GRIA4: variants seen among roughly 807,000 people sequenced by gnomAD.
GRIA4 encodes the protein glutamate ionotropic receptor AMPA type subunit 4, also known as glutamate receptor 4.
Under a neutral mutation model 104.0 loss-of-function variants are expected in GRIA4, and 34 were observed. That is an observed-to-expected ratio of 0.33 (90% CI 0.25 to 0.44). The LOEUF (loss-of-function observed/expected upper bound fraction) is 0.44. Ranked by LOEUF, GRIA4 falls within the 20% of genes least tolerant of loss-of-function variation. The probability of loss-of-function intolerance (pLI) is 1.00; values close to 1 mark genes in which losing one functional copy is unlikely to be tolerated. For missense variants in GRIA4, 750 were observed against 1,096.5 expected (o/e 0.68, Z 4.46); for synonymous variants, 386 against 381.9 (o/e 1.01, Z -0.13).
In GRIA4 at chr11:105,949,444, T is replaced by C. The variant is rs79965405; in HGVS notation, c.2294+15475T>C. Among the ~76,000 whole-genome samples the C allele has an allele frequency of 7.1e-3, 1,075 of 152,232 alleles. 14 individuals are homozygous for C. Among genetic ancestry groups the C allele is most frequent in the African/African-American group, 0.025 (1,037 of 41,544 alleles). ...AACAACTATAATCATTGCCCTGCATTAGGACTGAAAAGAGTATAAAGTACC... is the reference window on the plus strand; with the variant it reads ...AACAACTATAATCATTGCCCTGCATCAGGACTGAAAAGAGTATAAAGTACC... On this transcript the variant is annotated intron_variant, in intron 14 of 16. Transcript: ENST00000282499.
At chr11:105,680,454 G>T (rs1952673937) in intron 3 of GRIA4, among the ~76,000 whole-genome samples, 1 of 152,028 alleles carries the variant, frequency 6.6e-6, no homozygotes, top group African/African-American at 2.4e-5. Flanking sequence ...TTCAAAAAAA[G>T]GTCATTTCTG....
chr11:105,758,430 T>C (rs935899476), intron 4 of GRIA4, among the ~76,000 whole-genome samples: 1 of 152,292 alleles, frequency 6.6e-6, no homozygotes, highest in Non-Finnish European at 1.5e-5. Flanking sequence ...GTAGGTTTTC[T>C]TACTGGTTCC....
chr11:105,612,642 TC>T, intron 3 of GRIA4: 1 of 507,992 alleles, frequency 2.0e-6, no homozygotes, highest in South Asian at 3.4e-5. Context: ...ATTTTTCTTT[TC>T]TTTCTTCTCC....
At chr11:105,770,895 T>G (rs1941178486) in intron 4 of GRIA4, among the ~76,000 whole-genome samples, 1 of 152,052 alleles carries the variant, frequency 6.6e-6, no homozygotes, top group Admixed American at 6.6e-5. Flanking sequence ...CCTCCTATGT[T>G]CTTCCTGCCA....
chr11:105,929,420 C>G (rs1365150012), intron 13 of GRIA4, among the ~76,000 whole-genome samples: 1 of 152,052 alleles, frequency 6.6e-6, no homozygotes, highest in Non-Finnish European at 1.5e-5. Flanking sequence ...GGTTTTGCCC[C>G]ATTATGAAAC....
chr11:105,925,969 C>T (rs1341284041), intron 12 of GRIA4, among the ~76,000 whole-genome samples: 1 of 151,994 alleles, frequency 6.6e-6, no homozygotes, highest in Non-Finnish European at 1.5e-5. Flanking sequence ...CTCACATTTG[C>T]TCTGCACTCA....
chr11:105,824,473 C>T (rs1943692557), intron 4 of GRIA4, among the ~76,000 whole-genome samples: 1 of 152,088 alleles, frequency 6.6e-6, no homozygotes, highest in Admixed American at 6.6e-5. Context: ...TGTTGCTTCC[C>T]CAATATTCAC....
At chr11:105,838,393 C>T (rs983052195) in intron 4 of GRIA4, among the ~76,000 whole-genome samples, 1 of 152,112 alleles carries the variant, frequency 6.6e-6, no homozygotes, top group Non-Finnish European at 1.5e-5. Context: ...TCTCATGGCT[C>T]CCAGGTAAAT....
intron 6 of GRIA4, among the ~76,000 whole-genome samples, chr11:105,894,360 C>A (rs1946567165): frequency 1.3e-5 from 2 of 151,832 alleles, no homozygotes; most frequent in African/African-American, 2.4e-5. Flanking sequence ...TTTTCTTCAC[C>A]CCCCCGAGCC....
intron 3 of GRIA4, among the ~76,000 whole-genome samples, chr11:105,640,676 T>G (rs182393708): frequency 6.6e-6 from 1 of 152,092 alleles, no homozygotes; most frequent in East Asian, 1.9e-4. Flanking sequence ...CTTATTTCTA[T>G]TTAATATATT....
chr11:105,878,486 A>T (rs1434230500), intron 5 of GRIA4, among the ~76,000 whole-genome samples: 2 of 152,210 alleles, frequency 1.3e-5, no homozygotes, highest in East Asian at 3.9e-4. Context: ...GCAGGCAGGA[A>T]TGTTTAATTC....
chr11:105,888,605 A>G (rs1946360877), intron 6 of GRIA4, among the ~76,000 whole-genome samples: 2 of 151,364 alleles, frequency 1.3e-5, no homozygotes, highest in African/African-American at 2.4e-5. Context: ...TATTTTTATG[A>G]CACTTTTTTT....
At chr11:105,814,241 A>G (rs1029084481) in intron 4 of GRIA4, among the ~76,000 whole-genome samples, 1 of 152,216 alleles carries the variant, frequency 6.6e-6, no homozygotes, top group Admixed American at 6.5e-5. Flanking sequence ...ATACTTTTGA[A>G]AAATCACTGT....
Position 105,971,944 on chromosome 11 carries a change from CAGTG to C in GRIA4, c.2328_2331del (p.Ser776ArgfsTer5). On this transcript the variant is annotated frameshift_variant, in exon 15 of 17. Coordinates refer to ENST00000282499, the MANE Select transcript of GRIA4 (RefSeq NM_000829.4). LOFTEE classifies it high-confidence loss of function. ...CTGTAAACCTTGCCGTTTTGAAACT[CAGTG>C]AGGCAGGCGTCTTAGACAAGCTGAA... is the stretch of plus-strand genomic sequence containing the variant. The C allele has an allele frequency of 6.2e-7, 1 of 1,612,146 alleles. No homozygotes were observed.
chr11:105,974,538 G>A (rs770239094), intron 16 of GRIA4, 94 bp downstream of exon 16: 7 of 1,613,474 alleles, frequency 4.3e-6, no homozygotes, highest in Non-Finnish European at 4.2e-6. Flanking sequence ...ATATGGAACC[G>A]AAAGTATTAA....
At chr11:105,922,481 G>A (rs936087059) in intron 11 of GRIA4, among the ~76,000 whole-genome samples, 1 of 152,104 alleles carries the variant, frequency 6.6e-6, no homozygotes, top group Non-Finnish European at 1.5e-5. Context: ...GTTAGGATTT[G>A]TCCTCAAAGA....
At chr11:105,615,507 A>G (rs908166285) in intron 3 of GRIA4, among the ~76,000 whole-genome samples, 2 of 151,882 alleles carry the variant, frequency 1.3e-5, no homozygotes, top group Non-Finnish European at 3.0e-5. Context: ...ACCTATTACA[A>G]TAACAAAAAA....
At position 105,724,436 on chromosome 11, in the gene GRIA4, C is replaced by T. The variant is rs144702479; in HGVS notation, c.248-28545C>T. On this transcript the variant is annotated intron_variant, in intron 3 of 16. Transcript: ENST00000282499. Reference sequence around the variant, plus strand: ...ACACAAACACACACACATTGGAATACTATTCAGCCATGATAAAGAATGAAA... The same window carrying T: ...ACACAAACACACACACATTGGAATATTATTCAGCCATGATAAAGAATGAAA... 5.0e-3 allele frequency among the ~76,000 whole-genome samples: 756 copies of T among 151,174 alleles called. 16 individuals carry two copies. Among genetic ancestry groups the T allele is most frequent in the African/African-American group, 0.017 (705 of 41,224 alleles).
intron 3 of GRIA4, among the ~76,000 whole-genome samples, chr11:105,718,574 A>G (rs1408291171): frequency 6.6e-6 from 1 of 152,222 alleles, no homozygotes; most frequent in African/African-American, 2.4e-5. Flanking sequence ...TTGCTGTCTC[A>G]TGATACTACA....
Sources: allele counts gnomAD v4.1 joint callset (sites outside exome capture counted in the v4.1 genomes callset), GRCh38; gene constraint gnomAD v4.1.1; transcripts MANE v1.5; gene names NCBI Gene and HGNC (gene_info 2026-07-23, HGNC 2026-07-21).